Variants in ANKS1A observed in about 807,000 individuals in gnomAD.
ANKS1A encodes the protein ankyrin repeat and SAM domain-containing protein 1A.
Under a neutral mutation model 120.3 loss-of-function variants are expected in ANKS1A, and 55 were observed. The ratio of observed to expected loss-of-function variants is 0.46; its 90% confidence interval spans 0.37 to 0.57. The LOEUF (loss-of-function observed/expected upper bound fraction) is 0.57. Among genes scored for constraint, ANKS1A ranks in the 20% least tolerant of loss-of-function variants. ANKS1A has a pLI of 0.00. For synonymous variants in ANKS1A, 590 were observed against 604.7 expected, an observed-to-expected ratio of 0.98 and a Z score of 0.36; for missense variants, 1,123 against 1,480.3, an observed-to-expected ratio of 0.76 and a Z score of 3.96.
chr6:35,075,789 GT>G (rs1387336775), intron 13 of ANKS1A, among the ~76,000 whole-genome samples: 1 of 152,026 alleles, frequency 6.6e-6, no homozygotes, highest in Non-Finnish European at 1.5e-5. Context: ...ATATATTGTT[GT>G]TTTTGTTTGG....
intron 11 of ANKS1A, among the ~76,000 whole-genome samples, chr6:35,051,208 G>T (rs1014571893): frequency 6.6e-6 from 1 of 151,208 alleles, no homozygotes; most frequent in Admixed American, 6.6e-5. Context: ...AAAAAAAAAA[G>T]AAAAGAAAAG....
intron 13 of ANKS1A, among the ~76,000 whole-genome samples, chr6:35,075,707 C>T (rs1005614303): frequency 6.6e-6 from 1 of 152,188 alleles, no homozygotes; most frequent in Admixed American, 6.5e-5. Flanking sequence ...GCCACCGCGC[C>T]TGGCCAAAAG....
the ANKS1A span, among the ~76,000 whole-genome samples, chr6:35,097,254 AT>A: frequency 2.2e-4 from 3 of 13,564 alleles, no homozygotes; most frequent in Admixed American, 2.2e-3. Context: ...GCCAGGTTTA[AT>A]CCCAGCACTT....
At chr6:35,034,754 C>G (rs1475216329) in intron 11 of ANKS1A, among the ~76,000 whole-genome samples, 1 of 152,174 alleles carries the variant, frequency 6.6e-6, no homozygotes, top group African/African-American at 2.4e-5. Flanking sequence ...CATCATAAAT[C>G]TGAAGTGAGC....
At chr6:35,095,464 G>A (rs1778433187), downstream of ANKS1A, among the ~76,000 whole-genome samples, 1 of 150,196 alleles carries the variant, frequency 6.7e-6, no homozygotes, top group African/African-American at 2.5e-5. Flanking sequence ...GGCTGAGGCA[G>A]GATAATTGCT....
intron 8 of ANKS1A, among the ~76,000 whole-genome samples, chr6:34,988,683 C>T (rs1048145258): frequency 1.3e-5 from 2 of 152,118 alleles, no homozygotes; most frequent in Non-Finnish European, 2.9e-5. Flanking sequence ...GATAAGAGAA[C>T]AGGTTGAGCT....
At chr6:34,967,159 A>G (rs1561876864) in intron 1 of ANKS1A, 80 bp from the exon 2 acceptor site, 1 of 1,384,946 alleles carries the variant, frequency 7.2e-7, no homozygotes, top group Non-Finnish European at 1.0e-6. Context: ...ATCTTTACTA[A>G]TTAGCTAGCT....
intron 10 of ANKS1A, among the ~76,000 whole-genome samples, chr6:35,003,607 T>C (rs1773279906): frequency 6.6e-6 from 1 of 151,980 alleles, no homozygotes; most frequent in African/African-American, 2.4e-5. Context: ...ATAATAAGAG[T>C]TATAATAGTA....
Position 34,946,358 on chromosome 6 carries a change from C to T in ANKS1A, c.198-20881C>T, listed in dbSNP as rs577957857. Among the ~76,000 whole-genome samples, 638 of 151,770 alleles carry T rather than the reference C, an allele frequency of 4.2e-3. 2 individuals carry two copies. Among genetic ancestry groups the T allele is most frequent in the Middle Eastern group, 0.02 (6 of 294 alleles). ...ATCCCAGCACTTTGGGAGGCCGAGG[C>T]GGGCAGATCACTTGAGGTTAGGAGT... On this transcript the variant is annotated intron_variant, in intron 1 of 23. Coordinates refer to ENST00000360359, the MANE Select transcript of ANKS1A (RefSeq NM_015245.3).
intron 3 of ANKS1A, among the ~76,000 whole-genome samples, chr6:34,972,817 T>G (rs1256985595): frequency 6.6e-6 from 1 of 152,176 alleles, no homozygotes; most frequent in Admixed American, 6.5e-5. Flanking sequence ...GCAGCTGCAG[T>G]GGGTTTTGGC....
chr6:35,038,409 G>T, intron 11 of ANKS1A: 1 of 442,758 alleles, frequency 2.3e-6, no homozygotes, highest in Non-Finnish European at 4.6e-6. Context: ...GCAGTGAAGA[G>T]TGCTGTGATA....
chr6:35,091,543 C>A, downstream of ANKS1A: 1 of 566,408 alleles, frequency 1.8e-6, no homozygotes, highest in Non-Finnish European at 2.2e-6. Flanking sequence ...GACAGCTTGG[C>A]TGTTTGGCTT....
chr6:34,994,773 G>T (rs1354119653), intron 10 of ANKS1A, among the ~76,000 whole-genome samples: 1 of 152,160 alleles, frequency 6.6e-6, no homozygotes, highest in South Asian at 2.1e-4. Context: ...AGCTCAACAA[G>T]TCAGTCCCTT....
chr6:35,067,840 T>G (rs964994334), intron 13 of ANKS1A, among the ~76,000 whole-genome samples: 1 of 151,138 alleles, frequency 6.6e-6, no homozygotes, highest in Non-Finnish European at 1.5e-5. Context: ...CCTGAGGTGA[T>G]AGACTTATGG....
chr6:35,091,089 G>C lies in ANKS1A; in HGVS notation c.*2480G>C, dbSNP rs377431650. On this transcript the variant is annotated 3_prime_UTR_variant, in exon 24 of 24. Coordinates refer to ENST00000360359, the MANE Select transcript of ANKS1A (RefSeq NM_015245.3). Reference sequence around the variant, plus strand: ...GCCCAGGCCAGCAGAAAGCAGCTCAGAAGTATTGTTGCTCATGGTGTGGCA... The same window carrying C: ...GCCCAGGCCAGCAGAAAGCAGCTCACAAGTATTGTTGCTCATGGTGTGGCA... 5 of 985,922 alleles carry C rather than the reference G, an allele frequency of 5.1e-6. No individual in the cohort carries two copies. The highest frequency in any genetic ancestry group is 1.2e-6 in the Non-Finnish European group (1 of 829,932). The allele number at this position is 985,922 out of a possible 1,614,324, so 61.1% of individuals were successfully genotyped here.
At chr6:35,076,984 G>GGTA (rs1436797261) in intron 13 of ANKS1A, among the ~76,000 whole-genome samples, 1 of 152,120 alleles carries the variant, frequency 6.6e-6, no homozygotes, top group Non-Finnish European at 1.5e-5. Context: ...AGTAGGGAGG[G>GGTA]AGTGCTTTGG....
intron 9 of ANKS1A, among the ~76,000 whole-genome samples, chr6:34,990,670 G>A (rs1772455905): frequency 6.6e-6 from 1 of 152,026 alleles, no homozygotes; most frequent in African/African-American, 2.4e-5. Context: ...TTCTCCCAAG[G>A]TTTTCTAAAG....
intron 12 of ANKS1A, among the ~76,000 whole-genome samples, chr6:35,055,761 G>C (rs2127587876): frequency 6.6e-6 from 1 of 152,360 alleles, no homozygotes; most frequent in East Asian, 1.9e-4. Context: ...CGCTCCAGCA[G>C]CAATGTTTCC....
At position 35,085,739 on chromosome 6, in the gene ANKS1A, C is replaced by T. The variant is rs1358388627; in HGVS notation, c.3133-27C>T. ...TGTGAAGCGGCTCCTGAACCAGGTG[C>T]TTAAGTGGTGATCTGCTTCCTCCCA... On this transcript the variant is annotated intron_variant, in intron 21 of 23. Transcript: ENST00000360359. This position sits in a 1 kb window ranked among gnomAD's most constrained non-coding sequence, Gnocchi z 4.7. The T allele has an allele frequency of 1.3e-6, 2 of 1,557,110 alleles. No individual in the cohort carries two copies. The highest frequency in any genetic ancestry group is 1.4e-5 in the African/African-American group (1 of 72,936).
Sources: gnomAD v4.1 joint callset for allele counts (sites outside exome capture counted in the v4.1 genomes callset) on GRCh38, gnomAD v4.1.1 for gene constraint, Gnocchi (gnomAD v3.1) non-coding constraint, MANE v1.5 for transcripts, NCBI Gene and HGNC (gene_info 2026-07-23, HGNC 2026-07-21) for gene names.